Variants in MMP26 observed in about 807,000 individuals in gnomAD.
MMP26 encodes the protein matrix metalloproteinase-26.
In MMP26, 33 loss-of-function variants were observed where a neutral mutation model predicts 31.0. The ratio of observed to expected loss-of-function variants is 1.06; its 90% CI spans 0.81 to 1.42. The LOEUF (loss-of-function observed/expected upper bound fraction) is 1.42, where lower values mean the gene tolerates loss of function less well. MMP26 is among the 40% of genes most tolerant of loss of function. MMP26 has a pLI of 0.00. For synonymous variants in MMP26, 122 were observed against 114.9 expected (o/e 1.06, Z -0.40); for missense variants, 347 against 316.1 (o/e 1.10, Z -0.74).
intron 2 of MMP26, among the ~76,000 whole-genome samples, chr11:4,816,730 G>A (rs1476345009): frequency 2.6e-5 from 3 of 117,290 alleles, no homozygotes; most frequent in African/African-American, 1.0e-4. Flanking sequence ...TTGAAATAGA[G>A]TCTCGCTCTA....
intron 2 of MMP26, among the ~76,000 whole-genome samples, chr11:4,963,501 T>C (rs1193942218): frequency 6.6e-6 from 1 of 152,190 alleles, no homozygotes; most frequent in Non-Finnish European, 1.5e-5. Context: ...AAGGCTACAG[T>C]AACCAAAACA....
At chr11:4,847,531 C>T (rs1849889616) in intron 2 of MMP26, 2 of 152,040 alleles carry the variant, frequency 1.3e-5, no homozygotes, top group South Asian at 2.1e-4. Context: ...TTGGTGCATA[C>T]CATGTATAGT....
chr11:4,798,137 A>C lies in MMP26; in HGVS notation c.-145+30796A>C, dbSNP rs111717049. ...TCTCTTTTACGACGGCCCATACTTA[A>C]GATAGACATGTTGAGAACTGGAAAC... On this transcript the variant is annotated intron_variant, in intron 2 of 7. Coordinates refer to ENST00000380390, the MANE Select transcript of MMP26 (RefSeq NM_021801.5). Among the ~76,000 whole-genome samples, 316 of 152,352 alleles carry C rather than the reference A, an allele frequency of 2.1e-3. 1 individual carries two copies. The highest frequency in any genetic ancestry group is 7.1e-3 in the African/African-American group (295 of 41,584).
intron 2 of MMP26, among the ~76,000 whole-genome samples, chr11:4,931,376 T>C (rs538308463): frequency 5.9e-5 from 9 of 152,100 alleles, no homozygotes; most frequent in African/African-American, 2.2e-4. Context: ...CTGTGAATAA[T>C]AGTTGACTGG....
intron 2 of MMP26, chr11:4,908,172 G>A (rs1365723031): frequency 6.2e-7 from 1 of 1,614,160 alleles, no homozygotes; most frequent in Non-Finnish European, 8.5e-7. Flanking sequence ...AAGCACAAAA[G>A]CCCTCTTGTT....
At chr11:4,764,798 G>A (rs111902932) in intron 1 of MMP26, among the ~76,000 whole-genome samples, 12,219 of 152,134 alleles carry the variant, frequency 0.08, 657 homozygotes, top group Non-Finnish European at 0.12. Context: ...GCGTGAACCC[G>A]GGAGGTGGAG....
chr11:4,756,170 TAATC>T (rs1294032603), intron 1 of MMP26, among the ~76,000 whole-genome samples: 1 of 152,068 alleles, frequency 6.6e-6, no homozygotes, highest in Non-Finnish European at 1.5e-5. Flanking sequence ...ACATTGAACA[TAATC>T]AAAAACAGAG....
intron 2 of MMP26, among the ~76,000 whole-genome samples, chr11:4,773,716 C>T (rs140881002): frequency 1.3e-5 from 2 of 151,216 alleles, no homozygotes; most frequent in Non-Finnish European, 2.9e-5. Flanking sequence ...TGGTTTGCTG[C>T]GACTATCCAC....
intron 2 of MMP26, among the ~76,000 whole-genome samples, chr11:4,831,040 C>A (rs1251489301): frequency 6.6e-6 from 1 of 152,136 alleles, no homozygotes; most frequent in Non-Finnish European, 1.5e-5. Context: ...GCTCCTAACT[C>A]GGGTCAATAT....
intron 2 of MMP26, among the ~76,000 whole-genome samples, chr11:4,801,680 C>A (rs1849185351): frequency 1.3e-5 from 2 of 151,960 alleles, no homozygotes; most frequent in Admixed American, 6.6e-5. Flanking sequence ...GTAGCTGGGA[C>A]TAGAGGCGTG....
At chr11:4,860,728 G>A (rs967161225) in intron 2 of MMP26, 14 of 303,994 alleles carry the variant, frequency 4.6e-5, no homozygotes, top group Non-Finnish European at 9.0e-5. Context: ...TTGTAACACT[G>A]TGTCTTTTTC....
intron 2 of MMP26, among the ~76,000 whole-genome samples, chr11:4,823,717 TCCCTACAATAA>T (rs1293311746): frequency 1.3e-5 from 2 of 152,170 alleles, no homozygotes; most frequent in Non-Finnish European, 2.9e-5. Flanking sequence ...TCCATCATTA[TCCCTACAATAA>T]TTGCTCAAAT....
intron 2 of MMP26, among the ~76,000 whole-genome samples, chr11:4,961,905 A>G (rs1371528833): frequency 6.6e-6 from 1 of 152,240 alleles, no homozygotes; most frequent in East Asian, 1.9e-4. Flanking sequence ...ATACCTGTCT[A>G]TAAATAATAC....
At chr11:4,942,404 T>A (rs1357717571) in intron 2 of MMP26, among the ~76,000 whole-genome samples, 1 of 152,074 alleles carries the variant, frequency 6.6e-6, no homozygotes, top group African/African-American at 2.4e-5. Flanking sequence ...TGAATCAAAA[T>A]TACAGGAGAG....
intron 2 of MMP26, chr11:4,871,772 G>A (rs1850313734): frequency 6.6e-6 from 1 of 152,204 alleles, no homozygotes; most frequent in Non-Finnish European, 1.5e-5. Context: ...GGCCTGAGAA[G>A]TGCTTTCTTT....
At chr11:4,723,715 G>T (rs1848052720) in intron 1 of MMP26, 1 of 1,051,306 alleles carries the variant, frequency 9.5e-7, no homozygotes, top group Non-Finnish European at 1.5e-6. Context: ...CTGGCCCAGA[G>T]TGTCCAGTTG....
chr11:4,780,307 G>A (rs1848841577), intron 2 of MMP26, among the ~76,000 whole-genome samples: 1 of 152,092 alleles, frequency 6.6e-6, no homozygotes, highest in African/African-American at 2.4e-5. Context: ...CCCACAAGCA[G>A]TGCATGAGAA....
intron 2 of MMP26, among the ~76,000 whole-genome samples, chr11:4,920,790 A>G (rs1851172277): frequency 1.3e-5 from 2 of 152,124 alleles, no homozygotes; most frequent in Admixed American, 1.3e-4. Context: ...TTACCATCAT[A>G]TGTTGATTCT....
intron 2 of MMP26, among the ~76,000 whole-genome samples, chr11:4,984,626 G>A (rs1846860685): frequency 6.6e-6 from 1 of 152,132 alleles, no homozygotes; most frequent in South Asian, 2.1e-4. Flanking sequence ...TGTCATTAAT[G>A]AGCCTACAGT....
Sources: gnomAD v4.1 joint callset for allele counts (sites outside exome capture counted in the v4.1 genomes callset) on GRCh38, gnomAD v4.1.1 for gene constraint, MANE v1.5 for transcripts, NCBI Gene and HGNC (gene_info 2026-07-23, HGNC 2026-07-21) for gene names.